The following COX15 variants were observed in gnomAD, a reference collection of about 807,000 sequenced individuals.
The protein encoded by COX15 is heme A synthase COX15.
A neutral mutation model predicts 51.9 loss-of-function variants in COX15; 51 were observed. The observed-to-expected ratio is 0.98, with a 90% CI of 0.78 to 1.24. The LOEUF is 1.24. COX15 is among the 50% of genes most tolerant of loss of function. The pLI, the probability that COX15 is intolerant of heterozygous loss-of-function variation, is 0.00. For missense variants in COX15, 420 were observed against 501.1 expected (o/e 0.84, Z 1.55); for synonymous variants, 188 against 190.5 (o/e 0.99, Z 0.11).
chr10:99,698,332 T>G, the COX15 span, among the ~76,000 whole-genome samples: 1 of 152,224 alleles, frequency 6.6e-6, no homozygotes, highest in African/African-American at 2.4e-5. Context: ...ACAGAATTGA[T>G]CACCATATTC....
downstream of COX15, chr10:99,709,692 G>A: frequency 1.0e-6 from 1 of 985,388 alleles, no homozygotes. Flanking sequence ...CCTGTTTTCT[G>A]TTTCTGCAGA....
intron 7 of COX15, 63 bp from the exon 8 acceptor site, chr10:99,716,524 T>C: frequency 2.6e-6 from 3 of 1,142,828 alleles, no homozygotes; most frequent in East Asian, 2.4e-5. Context: ...TCACCTTACA[T>C]GTATCTCCTC....
In COX15 at chr10:99,712,749, C is replaced by T. The variant is rs2036435578; in HGVS notation, c.*1838G>A. ...GGCACCTGCTCGCCAGTGTTACTGT[C>T]TCCATCAGCCTGACCCCAGTGAGCA... On this transcript the variant is annotated 3_prime_UTR_variant, in exon 9 of 9. Transcript: ENST00000016171. 1 of 408,052 alleles carries T rather than the reference C, an allele frequency of 2.5e-6. No homozygotes were observed. Among genetic ancestry groups the T allele is most frequent in the African/African-American group, 2.2e-5 (1 of 46,128 alleles). 25.3% of individuals were successfully genotyped at this position (408,052 alleles called of 1,614,324 possible). A position where few individuals can be genotyped will look rare whatever the true frequency, so the allele number is the denominator to read the frequency against.
At chr10:99,728,427 A>C (rs1394084305) in intron 2 of COX15, among the ~76,000 whole-genome samples, 5 of 152,216 alleles carry the variant, frequency 3.3e-5, no homozygotes, top group African/African-American at 1.2e-4. Flanking sequence ...TATTATTTTG[A>C]AAATTGGTAA....
At chr10:99,717,987 T>C (rs1383913899) in intron 7 of COX15, among the ~76,000 whole-genome samples, 2 of 152,216 alleles carry the variant, frequency 1.3e-5, no homozygotes, top group Non-Finnish European at 2.9e-5. Flanking sequence ...GCTTAGCAGC[T>C]ATGGTCTCCG....
chr10:99,712,036 A>T lies in COX15; in HGVS notation c.*2551T>A. 3.6e-6 allele frequency: 1 copy of T among 276,288 alleles called. No individual in the cohort carries two copies. Among genetic ancestry groups the T allele is most frequent in the Non-Finnish European group, 5.5e-6 (1 of 181,788 alleles). The allele number at this position is 276,288 out of a possible 1,614,324, so 17.1% of individuals were successfully genotyped here. ...GAGGAAGTTCCAGGCTCTTTTAAAC[A>T]ACCAGCTCTTGCATAAACAACCAGA... is the stretch of plus-strand genomic sequence containing the variant. On this transcript the variant is annotated 3_prime_UTR_variant, in exon 9 of 9. Coordinates refer to ENST00000016171, the MANE Select transcript of COX15 (RefSeq NM_078470.6).
Position 99,713,888 on chromosome 10 carries a change from G to A in COX15, c.*699C>T, listed in dbSNP as rs770184980. On this transcript the variant is annotated 3_prime_UTR_variant, in exon 9 of 9. Transcript: ENST00000016171. Reference sequence around the variant, plus strand: ...GGAGGCTGAGGCATGAGAATCGCTTGAACCTGGGAAGTGGAGGTTGCAGAG... The same window carrying A: ...GGAGGCTGAGGCATGAGAATCGCTTAAACCTGGGAAGTGGAGGTTGCAGAG... 9 of 587,490 alleles carry A rather than the reference G, an allele frequency of 1.5e-5. No individual in the cohort carries two copies. Among genetic ancestry groups the A allele is most frequent in the African/African-American group, 2.0e-5 (1 of 49,562 alleles). 36.4% of individuals were successfully genotyped at this position (587,490 alleles called of 1,614,324 possible).
chr10:99,721,243 T>C (rs2231685), intron 5 of COX15, among the ~76,000 whole-genome samples, 175 bp from the exon 6 acceptor site: 6 of 152,220 alleles, frequency 3.9e-5, no homozygotes, highest in Admixed American at 3.3e-4. Context: ...TATTTTATTA[T>C]AATTATAGAT....
chr10:99,731,344 G>A lies in COX15; in HGVS notation c.90+616C>T, dbSNP rs889212626. Among the ~76,000 whole-genome samples the A allele has an allele frequency of 2.0e-5, 3 of 152,088 alleles. No individual in the cohort carries two copies. The South Asian group carries it at 6.2e-4, about 32-fold the overall frequency. ...ATAATGAGACCATGATAAGGATTTC[G>A]CAAATGAATAAACTGACTTCCTCCA... On this transcript the variant is annotated intron_variant, in intron 1 of 8. Coordinates refer to ENST00000016171, the MANE Select transcript of COX15 (RefSeq NM_078470.6).
Position 99,712,021 on chromosome 10 carries a change from C to T in COX15, c.*2566G>A, listed in dbSNP as rs2036407703. On this transcript the variant is annotated 3_prime_UTR_variant, in exon 9 of 9. Coordinates refer to ENST00000016171, the MANE Select transcript of COX15 (RefSeq NM_078470.6). ...GAGCAAGCGAGAGAGGAGGAAGTTC[C>T]AGGCTCTTTTAAACAACCAGCTCTT... 1 of 276,076 alleles carries T rather than the reference C, an allele frequency of 3.6e-6. No individual in the cohort carries two copies. Among genetic ancestry groups the T allele is most frequent in the Non-Finnish European group, 5.5e-6 (1 of 181,532 alleles). The allele number at this position is 276,076 out of a possible 1,614,324, so 17.1% of individuals were successfully genotyped here. A position where few individuals can be genotyped will look rare whatever the true frequency, so the allele number is the denominator to read the frequency against.
chr10:99,728,490 A>T (rs2037033840), intron 2 of COX15, among the ~76,000 whole-genome samples: 1 of 152,204 alleles, frequency 6.6e-6, no homozygotes, highest in African/African-American at 2.4e-5. Context: ...TACAAACTAT[A>T]CCTTGGGATA....
At chr10:99,696,199 C>T in the COX15 span, 15 of 1,521,400 alleles carry the variant, frequency 9.9e-6, no homozygotes, top group African/African-American at 1.8e-4. Flanking sequence ...CTCACATCCT[C>T]CTAAGACAGA....
chr10:99,695,246 C>T, the COX15 span, among the ~76,000 whole-genome samples: 12 of 151,490 alleles, frequency 7.9e-5, no homozygotes, highest in South Asian at 4.2e-4. Flanking sequence ...GCCACAGAAC[C>T]GGGCACAGTG....
downstream of COX15, among the ~76,000 whole-genome samples, chr10:99,707,259 C>A (rs2036271513): frequency 6.6e-6 from 1 of 152,034 alleles, no homozygotes. Flanking sequence ...CCAGGAGTTC[C>A]ACAGTACTGA....
intron 5 of COX15, chr10:99,723,020 A>C (rs953454213): frequency 6.6e-6 from 1 of 152,166 alleles, no homozygotes; most frequent in African/African-American, 2.4e-5. Context: ...CCTTACTGGG[A>C]TCTAGCTACT....
chr10:99,719,149 A>C (rs925365914), intron 6 of COX15, among the ~76,000 whole-genome samples: 2 of 152,258 alleles, frequency 1.3e-5, no homozygotes, highest in Non-Finnish European at 2.9e-5. Flanking sequence ...GGTATTCATG[A>C]ATTAATGGAT....
intron 2 of COX15, among the ~76,000 whole-genome samples, chr10:99,727,969 T>A (rs1159656643): frequency 3.9e-5 from 6 of 152,132 alleles, no homozygotes; most frequent in Non-Finnish European, 8.8e-5. Flanking sequence ...TTAAAGACAA[T>A]AAAATTCAAA....
downstream of COX15, chr10:99,706,251 C>T (rs2036249889): frequency 1.3e-5 from 2 of 151,716 alleles, no homozygotes; most frequent in South Asian, 4.2e-4. Flanking sequence ...GTATACTGAC[C>T]CTTGGTTGGT....
chr10:99,715,072 A>G (rs1039515006), intron 8 of COX15, among the ~76,000 whole-genome samples: 1 of 152,192 alleles, frequency 6.6e-6, no homozygotes, highest in African/African-American at 2.4e-5. Flanking sequence ...AGCAATATAC[A>G]CTATGTATTG....
Sources: allele counts gnomAD v4.1 joint callset (sites outside exome capture counted in the v4.1 genomes callset), GRCh38; gene constraint gnomAD v4.1.1; transcripts MANE v1.5; gene names NCBI Gene and HGNC (gene_info 2026-07-23, HGNC 2026-07-21).